ITGA9: variants seen among roughly 807,000 people sequenced by gnomAD.
ITGA9 encodes the protein integrin alpha-9.
ITGA9 carries 56 observed loss-of-function variants against 127.8 expected under a neutral mutation model. The ratio of observed to expected loss-of-function variants is 0.44; its 90% CI spans 0.35 to 0.55. ITGA9 has a LOEUF of 0.55. Among genes scored for constraint, ITGA9 ranks in the 20% least tolerant of loss-of-function variants. The pLI, the probability that ITGA9 is intolerant of heterozygous loss-of-function variation, is 0.00. For synonymous variants in ITGA9, 508 were observed against 514.5 expected (o/e 0.99, Z 0.17); for missense variants, 1,196 against 1,347.1 (o/e 0.89, Z 1.76).
chr3:37,609,270 A>T (rs1015242665), intron 15 of ITGA9, among the ~76,000 whole-genome samples: 1 of 152,002 alleles, frequency 6.6e-6, no homozygotes, highest in Non-Finnish European at 1.5e-5. Flanking sequence ...CTTCCTATGA[A>T]TTTTTACCTC....
intron 16 of ITGA9, among the ~76,000 whole-genome samples, chr3:37,651,120 C>T (rs1477031240): frequency 6.6e-6 from 1 of 152,096 alleles, no homozygotes; most frequent in Non-Finnish European, 1.5e-5. Context: ...TGTACATGTG[C>T]ATGTGTGCAT....
chr3:37,593,357 G>T (rs1180795170), intron 15 of ITGA9, among the ~76,000 whole-genome samples: 1 of 152,106 alleles, frequency 6.6e-6, no homozygotes. Context: ...TCTGTGGTTG[G>T]TTGAATCCAT....
intron 11 of ITGA9, among the ~76,000 whole-genome samples, chr3:37,522,893 T>C (rs1699058699): frequency 6.6e-6 from 1 of 152,086 alleles, no homozygotes; most frequent in Non-Finnish European, 1.5e-5. Flanking sequence ...TTTCCTACAG[T>C]TTAAGAAGTG....
At chr3:37,507,653 T>C (rs1179144340) in intron 7 of ITGA9, among the ~76,000 whole-genome samples, 3 of 152,208 alleles carry the variant, frequency 2.0e-5, no homozygotes. Context: ...TTAGACCACC[T>C]GAGAGGCATG....
chr3:37,556,575 C>T lies in ITGA9; in HGVS notation c.1689+13990C>T, dbSNP rs142209608. 2.0e-3 allele frequency among the ~76,000 whole-genome samples: 308 copies of T among 152,286 alleles called. 1 individual carries two copies. The highest frequency in any genetic ancestry group is 3.6e-3 in the Admixed American group (55 of 15,300). Reference sequence around the variant, plus strand: ...GGTTGACAAGGACTCCTCACGTTAGCGTGCACACGAAGAACCTGGGACCTT... The same window carrying T: ...GGTTGACAAGGACTCCTCACGTTAGTGTGCACACGAAGAACCTGGGACCTT... On this transcript the variant is annotated intron_variant, in intron 15 of 27. Coordinates refer to ENST00000264741, the MANE Select transcript of ITGA9 (RefSeq NM_002207.3).
chr3:37,629,018 G>T lies in ITGA9; in HGVS notation c.1690-169G>T, dbSNP rs967232958. On this transcript the variant is annotated intron_variant, in intron 15 of 27. Coordinates refer to ENST00000264741, the MANE Select transcript of ITGA9 (RefSeq NM_002207.3). The surrounding 1 kb of genome is among the most constrained non-coding windows in gnomAD (Gnocchi z 4.5). ...TTGGACAAGACACTAGCTGCCCTAG[G>T]CCTCAATTACCTCATTTAAAATATG... Among the ~76,000 whole-genome samples, 2 of 152,098 alleles carry T rather than the reference G, an allele frequency of 1.3e-5. No individual in the cohort carries two copies. The highest frequency in any genetic ancestry group is 4.8e-5 in the African/African-American group (2 of 41,400).
At chr3:37,600,516 G>A (rs1022262702) in intron 15 of ITGA9, among the ~76,000 whole-genome samples, 6 of 152,110 alleles carry the variant, frequency 3.9e-5, no homozygotes, top group Admixed American at 1.3e-4. Context: ...TGGGCTCCAC[G>A]ATGCAGGGCC....
At chr3:37,727,056 C>G (rs900543669) in intron 18 of ITGA9, among the ~76,000 whole-genome samples, 1 of 152,194 alleles carries the variant, frequency 6.6e-6, no homozygotes, top group Admixed American at 6.5e-5. Flanking sequence ...CATTAACCTA[C>G]AGTTGGGCAG....
chr3:37,671,931 A>G (rs145197526), intron 17 of ITGA9, among the ~76,000 whole-genome samples: 3 of 152,250 alleles, frequency 2.0e-5, no homozygotes, highest in African/African-American at 4.8e-5. Context: ...CAGTATTTGA[A>G]TATATAAATA....
At chr3:37,571,833 C>T (rs190388080) in intron 15 of ITGA9, among the ~76,000 whole-genome samples, 4 of 151,962 alleles carry the variant, frequency 2.6e-5, no homozygotes, top group Admixed American at 2.6e-4. Flanking sequence ...GAGTCCTTGT[C>T]CATCGTGTCT....
chr3:37,747,205 A>G (rs1296747913), intron 22 of ITGA9, among the ~76,000 whole-genome samples: 1 of 152,190 alleles, frequency 6.6e-6, no homozygotes, highest in Non-Finnish European at 1.5e-5. Context: ...ATGTTTACAC[A>G]ATTGTGAACC....
chr3:37,497,432 G>A (rs550667360), intron 5 of ITGA9, among the ~76,000 whole-genome samples: 12 of 151,794 alleles, frequency 7.9e-5, no homozygotes, highest in African/African-American at 2.9e-4. Context: ...GAGTGCCCGG[G>A]ATCTACAACA....
chr3:37,741,712 TCTC>T lies in ITGA9; in HGVS notation c.2235-14_2235-12del. The stretch of plus-strand genomic sequence containing the variant: ...CTAGTGTTGGCCAGCGTTCATTCAT[TCTC>T]CTCTCTCTGCACAGTGGCAACACGG... On this transcript the variant is annotated splice_polypyrimidine_tract_variant and intron_variant, in intron 20 of 27. Transcript: ENST00000264741. 1.2e-6 allele frequency: 2 copies of T among 1,606,206 alleles called. No individual in the cohort carries two copies. The highest frequency in any genetic ancestry group is 1.7e-6 in the Non-Finnish European group (2 of 1,174,100).
chr3:37,821,120 A>G lies in ITGA9; in HGVS notation c.*2131A>G, dbSNP rs1697509413. On this transcript the variant is annotated 3_prime_UTR_variant, in exon 28 of 28. Transcript: ENST00000264741. ...CTCTTCCTGGTGAACATGGGAATAG[A>G]CCAAAAAAATCAAGGGTCAATGGCA... is the stretch of plus-strand genomic sequence containing the variant. The G allele has an allele frequency of 6.6e-6, 1 of 152,132 alleles. No homozygotes were observed. The highest frequency in any genetic ancestry group is 1.5e-5 in the Non-Finnish European group (1 of 68,028). The allele number at this position is 152,132 out of a possible 1,614,324, so 9.4% of individuals were successfully genotyped here. A position where few individuals can be genotyped will look rare whatever the true frequency, so the allele number is the denominator to read the frequency against.
intron 13 of ITGA9, among the ~76,000 whole-genome samples, chr3:37,526,549 A>G (rs1393435077): frequency 1.3e-5 from 2 of 152,256 alleles, no homozygotes; most frequent in East Asian, 1.9e-4. Flanking sequence ...CCCGTTAGAC[A>G]GCACGTCATT....
chr3:37,647,621 C>A (rs1452006696), intron 16 of ITGA9, among the ~76,000 whole-genome samples: 3 of 152,050 alleles, frequency 2.0e-5, no homozygotes, highest in Non-Finnish European at 2.9e-5. Context: ...TCTCCCCATT[C>A]CCTACTCCCT....
chr3:37,662,964 A>G (rs1048085845), intron 17 of ITGA9, among the ~76,000 whole-genome samples: 38 of 152,190 alleles, frequency 2.5e-4, no homozygotes, highest in African/African-American at 9.2e-4. Flanking sequence ...GCCATAGGAA[A>G]TGCTGTCTGT....
intron 10 of ITGA9, among the ~76,000 whole-genome samples, chr3:37,518,771 CTTTTTTTTTTTTTTTTT>C (rs543297344): frequency 9.2e-5 from 4 of 43,492 alleles, no homozygotes; most frequent in South Asian, 9.1e-4. Context: ...TTTCACTGTA[CTTTTTTTTTTTTTTTTT>C]TTTTTTTTTT....
chr3:37,697,839 G>T (rs139993698), intron 18 of ITGA9, among the ~76,000 whole-genome samples: 13 of 152,208 alleles, frequency 8.5e-5, no homozygotes, highest in Admixed American at 2.0e-4. Flanking sequence ...TAATCCTTTG[G>T]GTATACACCC....
Sources: allele counts gnomAD v4.1 joint callset (sites outside exome capture counted in the v4.1 genomes callset), GRCh38; gene constraint gnomAD v4.1.1; non-coding constraint Gnocchi (gnomAD v3.1); transcripts MANE v1.5; gene names NCBI Gene and HGNC (gene_info 2026-07-23, HGNC 2026-07-21).